BYSL: variants seen among roughly 807,000 people sequenced by gnomAD.
BYSL encodes the protein bystin.
BYSL carries 21 observed loss-of-function variants against 45.4 expected under a neutral mutation model. The ratio of observed to expected loss-of-function variants is 0.46; its 90% CI spans 0.33 to 0.67. BYSL has a LOEUF of 0.67. Ranked by LOEUF, BYSL falls within the 30% of genes least tolerant of loss-of-function variation. The pLI is 0.02. For missense variants in BYSL, 522 were observed against 578.5 expected (o/e 0.90, Z 1.00); for synonymous variants, 215 against 231.3 (o/e 0.93, Z 0.64).
upstream of BYSL, among the ~76,000 whole-genome samples, chr6:41,920,020 C>T (rs1210178212): frequency 6.6e-6 from 1 of 152,164 alleles, no homozygotes; most frequent in African/African-American, 2.4e-5. Context: ...ATTTCTCCCA[C>T]GGGAAAAATG....
chr6:41,925,690 A>AT (rs1554153164), intron 1 of BYSL, among the ~76,000 whole-genome samples: 11 of 132,110 alleles, frequency 8.3e-5, no homozygotes, highest in East Asian at 2.3e-4. Flanking sequence ...TTATTTATTT[A>AT]TTTTTTTGAG....
rs566439194 is a variant in BYSL at position 41,931,388 on chromosome 6, C to T, written c.705-8C>T. On this transcript the variant is annotated splice_polypyrimidine_tract_variant and splice_region_variant and intron_variant, in intron 4 of 6. Transcript: ENST00000230340. ...AGTTGGAAACTTCCCCCGCTTAACT[C>T]CCACTAGGATTTTTGCCTCTAACCT... 84 of 1,614,044 alleles carry T rather than the reference C, an allele frequency of 5.2e-5. No individual in the cohort carries two copies. Among genetic ancestry groups the T allele is most frequent in the Middle Eastern group, 4.9e-4 (3 of 6,062 alleles).
upstream of BYSL, among the ~76,000 whole-genome samples, chr6:41,920,587 C>T (rs1039422250): frequency 2.0e-5 from 3 of 152,010 alleles, no homozygotes; most frequent in Non-Finnish European, 4.4e-5. Flanking sequence ...CCAGCGTGGC[C>T]AATATGGTGA....
the BYSL span, chr6:41,909,244 G>A: frequency 6.2e-7 from 1 of 1,607,274 alleles, no homozygotes; most frequent in Middle Eastern, 1.7e-4. Flanking sequence ...AGAACATCCT[G>A]CTCCTATTTT....
the BYSL span, among the ~76,000 whole-genome samples, chr6:41,912,693 T>C: frequency 1.8e-4 from 27 of 152,230 alleles, no homozygotes; most frequent in African/African-American, 5.1e-4. Context: ...AATCCTTTCA[T>C]GTCTGTACCA....
At chr6:41,921,013 T>A (rs569769830), upstream of BYSL, 3 of 1,612,818 alleles carry the variant, frequency 1.9e-6, no homozygotes, top group East Asian at 6.7e-5. Context: ...ACCAAGTCAC[T>A]CCCATGGCGT....
the BYSL span, chr6:41,909,627 C>T: frequency 1.7e-4 from 249 of 1,498,626 alleles, no homozygotes; most frequent in Non-Finnish European, 2.2e-4. Context: ...CAATCTGGCA[C>T]TACCTCAGCA....
chr6:41,911,542 C>G, the BYSL span, among the ~76,000 whole-genome samples: 61 of 151,948 alleles, frequency 4.0e-4, no homozygotes, highest in African/African-American at 1.4e-3. Flanking sequence ...GGAAAGACTT[C>G]AGGATAGGAA....
upstream of BYSL, chr6:41,921,361 A>C: frequency 1.5e-6 from 1 of 667,212 alleles, no homozygotes; most frequent in Non-Finnish European, 2.5e-6. Context: ...AAGGCAGTGA[A>C]TATATTCGGG....
chr6:41,925,395 G>A (rs1240606841), intron 1 of BYSL, among the ~76,000 whole-genome samples: 2 of 147,828 alleles, frequency 1.4e-5, no homozygotes, highest in African/African-American at 2.5e-5. Context: ...ACGGAGTCTC[G>A]CTCTGTCGCC....
rs747931211 is a variant in BYSL, at chr6:41,932,332, T to TA, written c.969-28dup. The TA allele has an allele frequency of 2.5e-6, 4 of 1,587,782 alleles. No homozygotes were observed. Among genetic ancestry groups the TA allele is most frequent in the Non-Finnish European group, 3.4e-6 (4 of 1,166,982 alleles). ...TCCTTCTTCCAATGTTTTCCCTGCTTACTCTACCCCACCTCCCTTTCCCAC... is the reference window on the plus strand; with the variant it reads ...TCCTTCTTCCAATGTTTTCCCTGCTTAACTCTACCCCACCTCCCTTTCCCAC... On this transcript the variant is annotated intron_variant, in intron 6 of 6. Transcript: ENST00000230340. The surrounding 1 kb of genome is among the most constrained non-coding windows in gnomAD (Gnocchi z 4.7).
chr6:41,930,372 T>A, intron 3 of BYSL, 102 bp downstream of exon 3: 2 of 1,445,380 alleles, frequency 1.4e-6, no homozygotes, highest in Non-Finnish European at 1.9e-6. Context: ...ACTAAAGAAG[T>A]CATGGGAGTA....
chr6:41,930,256 A>C lies in BYSL; in HGVS notation c.556A>C (p.Arg186=), dbSNP rs140565706. Reference sequence around the variant, plus strand: ...GGACCCCCGGGTCCTAGAAGTGTACAGGGGGGTCCGGGAGGTAAGAGCTGA... The same window carrying C: ...GGACCCCCGGGTCCTAGAAGTGTACCGGGGGGTCCGGGAGGTAAGAGCTGA... The part of the protein sequence containing the change: ...QLDPRVLEVY[R]GVREVLSKYR... Residue 186 remains arginine, a synonymous_variant, in exon 3 of 7, where the codon AGG becomes CGG. Transcript: ENST00000230340. The C allele has an allele frequency of 2.1e-5, 34 of 1,613,940 alleles. No individual in the cohort carries two copies. The highest frequency in any genetic ancestry group is 2.8e-5 in the Non-Finnish European group (33 of 1,179,960).
At chr6:41,918,015 CAA>C, upstream of BYSL, 1 of 233,304 alleles carries the variant, frequency 4.3e-6, no homozygotes, top group Non-Finnish European at 9.2e-6. Context: ...TGGAACAAAA[CAA>C]AAAAAAAACG....
At chr6:41,927,565 C>A in intron 2 of BYSL, 29 bp downstream of exon 2, 1 of 1,606,274 alleles carries the variant, frequency 6.2e-7, no homozygotes, top group Non-Finnish European at 8.5e-7. Context: ...GATAATGAGT[C>A]CTTGTAGAAA....
chr6:41,911,211 T>C, the BYSL span, among the ~76,000 whole-genome samples: 1 of 150,130 alleles, frequency 6.7e-6, no homozygotes, highest in East Asian at 2.0e-4. Context: ...AGTGCAATGG[T>C]GCAATCTTGG....
chr6:41,930,147 C>T lies in BYSL; in HGVS notation c.447C>T (p.Asp149=). The T allele has an allele frequency of 6.2e-7, 1 of 1,612,916 alleles. No individual in the cohort carries two copies. ...CCCCTCTTAGGCGCACCCTGGCTGA[C>T]ATCATCATGGAGAAGCTGACTGAGA... ...KNPPARRTLA[D]IIMEKLTEKQ... Residue 149 remains aspartate (D), a synonymous_variant, in exon 3 of 7, where the codon GAC becomes GAT. Coordinates refer to ENST00000230340, the MANE Select transcript of BYSL (RefSeq NM_004053.4).
At chr6:41,921,286 G>A, upstream of BYSL, 1 of 611,534 alleles carries the variant, frequency 1.6e-6, no homozygotes, top group Non-Finnish European at 2.8e-6. Flanking sequence ...AGCACTCTAG[G>A]CCTACATCCA....
chr6:41,927,734 C>G, intron 2 of BYSL, 198 bp downstream of exon 2: 1 of 588,436 alleles, frequency 1.7e-6, no homozygotes, highest in Non-Finnish European at 2.9e-6. Context: ...AACATTGTGT[C>G]CTTATGTCCA....
Sources: allele counts gnomAD v4.1 joint callset (sites outside exome capture counted in the v4.1 genomes callset), GRCh38; gene constraint gnomAD v4.1.1; non-coding constraint Gnocchi (gnomAD v3.1); transcripts MANE v1.5; gene names NCBI Gene and HGNC (gene_info 2026-07-23, HGNC 2026-07-21).